Variants in RAPGEF6 observed in about 807,000 individuals in gnomAD.
RAPGEF6 encodes PDZ domain containing guanine nucleotide exchange factor (GEF) 2.
A neutral mutation model predicts 171.4 loss-of-function variants in RAPGEF6; 56 were observed. The ratio of observed to expected loss-of-function variants is 0.33; its 90% CI spans 0.26 to 0.41. RAPGEF6 has a LOEUF of 0.41. Ranked by LOEUF, RAPGEF6 falls within the 10% of genes least tolerant of loss-of-function variation. The pLI is 1.00. For synonymous variants in RAPGEF6, 692 were observed against 650.1 expected (o/e 1.06, Z -0.98); for missense variants, 1,674 against 1,921.4 (o/e 0.87, Z 2.41).
intron 1 of RAPGEF6, among the ~76,000 whole-genome samples, chr5:131,617,608 A>C (rs546643088): frequency 2.8e-4 from 42 of 151,748 alleles, no homozygotes; most frequent in Non-Finnish European, 6.0e-4. Flanking sequence ...GCCCACCACC[A>C]CCCCCAGTTA....
intron 6 of RAPGEF6, among the ~76,000 whole-genome samples, chr5:131,531,698 T>A (rs902426030): frequency 6.6e-6 from 1 of 152,190 alleles, no homozygotes; most frequent in Admixed American, 6.5e-5. Context: ...AATTCAATCA[T>A]AATTTATGAC....
intron 1 of RAPGEF6, among the ~76,000 whole-genome samples, chr5:131,631,433 T>C (rs1375944072): frequency 6.6e-6 from 1 of 152,194 alleles, no homozygotes; most frequent in Non-Finnish European, 1.5e-5. Flanking sequence ...TCTTCTCTTT[T>C]CCTCAAGGTC....
At chr5:131,544,071 T>C (rs1245809105) in intron 6 of RAPGEF6, among the ~76,000 whole-genome samples, 1 of 152,148 alleles carries the variant, frequency 6.6e-6, no homozygotes, top group Non-Finnish European at 1.5e-5. Flanking sequence ...TTGGTGAGGA[T>C]GTGGAAACTG....
At chr5:131,494,524 T>C (rs1025235607) in intron 13 of RAPGEF6, among the ~76,000 whole-genome samples, 4 of 152,180 alleles carry the variant, frequency 2.6e-5, no homozygotes, top group Non-Finnish European at 5.9e-5. Context: ...AATTCTAGCA[T>C]GGTCTGGATG....
intron 5 of RAPGEF6, among the ~76,000 whole-genome samples, chr5:131,559,307 C>A (rs558026259): frequency 6.6e-6 from 1 of 151,668 alleles, no homozygotes; most frequent in African/African-American, 2.4e-5. Context: ...CCAGCCTAGA[C>A]GAGAGAGCAA....
intron 4 of RAPGEF6, among the ~76,000 whole-genome samples, chr5:131,568,455 T>G (rs766304105): frequency 2.0e-4 from 31 of 152,008 alleles, no homozygotes; most frequent in Non-Finnish European, 3.7e-4. Flanking sequence ...CTCAGCCTCT[T>G]GAGTAGCAAA....
At chr5:131,499,213 A>G (rs2149881716) in intron 11 of RAPGEF6, among the ~76,000 whole-genome samples, 1 of 152,326 alleles carries the variant, frequency 6.6e-6, no homozygotes, top group East Asian at 1.9e-4. Context: ...CCATATTGAG[A>G]GGAACCAGAA....
intron 15 of RAPGEF6, among the ~76,000 whole-genome samples, chr5:131,486,544 C>T (rs1364173600): frequency 2.6e-5 from 4 of 152,060 alleles, no homozygotes; most frequent in African/African-American, 9.7e-5. Flanking sequence ...CTTACATTTT[C>T]TTTTAGATAT....
At chr5:131,571,953 T>C (rs1762322732) in intron 4 of RAPGEF6, among the ~76,000 whole-genome samples, 1 of 152,076 alleles carries the variant, frequency 6.6e-6, no homozygotes, top group South Asian at 2.1e-4. Context: ...TCCCAGCCCT[T>C]GAGAATGTAC....
chr5:131,490,738 C>G (rs1031798804), intron 14 of RAPGEF6, among the ~76,000 whole-genome samples: 2 of 152,144 alleles, frequency 1.3e-5, no homozygotes, highest in African/African-American at 2.4e-5. Context: ...TACTGTATCA[C>G]CCATCTGTTC....
chr5:131,602,345 G>A (rs1764307225), intron 3 of RAPGEF6, among the ~76,000 whole-genome samples: 1 of 152,152 alleles, frequency 6.6e-6, no homozygotes. Context: ...ATCACTGACT[G>A]AAACAACGTT....
chr5:131,478,233 C>T (rs1450769248), intron 16 of RAPGEF6, among the ~76,000 whole-genome samples: 1 of 152,138 alleles, frequency 6.6e-6, no homozygotes, highest in Non-Finnish European at 1.5e-5. Context: ...ATTGGAAAAA[C>T]TTCGAGATTT....
At chr5:131,449,250 A>G (rs1580839039) in intron 21 of RAPGEF6, among the ~76,000 whole-genome samples, 1 of 152,256 alleles carries the variant, frequency 6.6e-6, no homozygotes. Context: ...ATGTAGAAGT[A>G]GAGACCTAAC....
At chr5:131,453,779 A>G (rs1753280271) in intron 20 of RAPGEF6, among the ~76,000 whole-genome samples, 1 of 152,244 alleles carries the variant, frequency 6.6e-6, no homozygotes, top group Non-Finnish European at 1.5e-5. Flanking sequence ...AACAGCACGT[A>G]TAGATTGGAC....
At chr5:131,535,007 G>A (rs960221568) in intron 6 of RAPGEF6, among the ~76,000 whole-genome samples, 1 of 152,098 alleles carries the variant, frequency 6.6e-6, no homozygotes, top group African/African-American at 2.4e-5. Context: ...TCTCTTAGCT[G>A]CTTTAAAAAA....
intron 24 of RAPGEF6, among the ~76,000 whole-genome samples, chr5:131,437,805 G>A (rs1752108406): frequency 6.6e-6 from 1 of 152,208 alleles, no homozygotes. Flanking sequence ...GAGCTATGGT[G>A]TCCTGAGGTG....
Position 131,425,899 on chromosome 5 carries a change from T to TTC in RAPGEF6, c.*1366_*1367insGA, listed in dbSNP as rs1464081670. 6.7e-6 allele frequency: 1 copy of TTC among 149,602 alleles called. No individual in the cohort carries two copies. Among genetic ancestry groups the TTC allele is most frequent in the African/African-American group, 2.5e-5 (1 of 40,698 alleles). 9.3% of individuals were successfully genotyped at this position (149,602 alleles called of 1,614,324 possible). A position where few individuals can be genotyped will look rare whatever the true frequency, so the allele number is the denominator to read the frequency against. On this transcript the variant is annotated 3_prime_UTR_variant, in exon 28 of 28. Transcript: ENST00000509018. ...TAATGGCTTTGGCTTTTTTTTTTTT[T>TTC]TTTTTTTTGGTAATTACAGAAGTTT...
intron 5 of RAPGEF6, among the ~76,000 whole-genome samples, chr5:131,550,975 G>C (rs184272958): frequency 6.6e-6 from 1 of 152,148 alleles, no homozygotes; most frequent in African/African-American, 2.4e-5. Flanking sequence ...GGCAGGAACC[G>C]TATTATGTAA....
At chr5:131,472,507 G>A in intron 17 of RAPGEF6, 80 bp downstream of exon 17, 1 of 1,470,288 alleles carries the variant, frequency 6.8e-7, no homozygotes, top group Non-Finnish European at 9.4e-7. Flanking sequence ...AGTAACTCTA[G>A]CACTTGCTGC....
Sources: allele counts gnomAD v4.1 joint callset (sites outside exome capture counted in the v4.1 genomes callset), GRCh38; gene constraint gnomAD v4.1.1; transcripts MANE v1.5; gene names NCBI Gene and HGNC (gene_info 2026-07-23, HGNC 2026-07-21).